Variants in RALGPS1 observed in about 807,000 individuals in gnomAD.
RALGPS1 encodes the protein Ral GEF with PH domain and SH3 binding motif 1.
In RALGPS1, 19 loss-of-function variants were observed where a neutral mutation model predicts 78.8. The ratio of observed to expected loss-of-function variants is 0.24; its 90% CI spans 0.17 to 0.35. The LOEUF is 0.35. RALGPS1 is among the 10% of genes least tolerant of loss of function. RALGPS1 has a pLI of 1.00. For synonymous variants in RALGPS1, 228 were observed against 256.3 expected, an observed-to-expected ratio of 0.89 and a Z score of 1.06; for missense variants, 454 against 688.3, an observed-to-expected ratio of 0.66 and a Z score of 3.81.
chr9:127,199,820 G>A (rs772080371), intron 14 of RALGPS1, among the ~76,000 whole-genome samples: 2 of 152,196 alleles, frequency 1.3e-5, no homozygotes, highest in African/African-American at 2.4e-5. Context: ...GGGTTTGAGA[G>A]GAGGCGGGAA....
At chr9:127,174,019 G>C (rs1270648084) in intron 10 of RALGPS1, among the ~76,000 whole-genome samples, 3 of 152,010 alleles carry the variant, frequency 2.0e-5, no homozygotes, top group Non-Finnish European at 2.9e-5. Context: ...TCTCAAAAAA[G>C]GGGAGGCCGA....
chr9:127,098,121 A>T (rs1564572891), intron 8 of RALGPS1, among the ~76,000 whole-genome samples: 1 of 152,238 alleles, frequency 6.6e-6, no homozygotes, highest in Non-Finnish European at 1.5e-5. Context: ...TACAAGACTA[A>T]ATGTAAGATA....
At chr9:127,033,843 A>T (rs982626543) in intron 4 of RALGPS1, among the ~76,000 whole-genome samples, 1 of 152,228 alleles carries the variant, frequency 6.6e-6, no homozygotes, top group Admixed American at 6.5e-5. Flanking sequence ...GGAAAAAAAG[A>T]GACAAGGCCT....
At chr9:126,925,509 C>T (rs2035184703) in intron 1 of RALGPS1, among the ~76,000 whole-genome samples, 1 of 151,586 alleles carries the variant, frequency 6.6e-6, no homozygotes, top group South Asian at 2.1e-4. Context: ...GATGGCACCA[C>T]TGCATTCAGG....
At chr9:126,955,523 C>T (rs1588630493) in intron 1 of RALGPS1, among the ~76,000 whole-genome samples, 1 of 152,106 alleles carries the variant, frequency 6.6e-6, no homozygotes, top group African/African-American at 2.4e-5. Context: ...AGTTATTAGA[C>T]TCCCCAATAG....
chr9:127,069,130 T>C, intron 7 of RALGPS1, 100 bp from the exon 8 acceptor site: 1 of 1,182,460 alleles, frequency 8.5e-7, no homozygotes, highest in Non-Finnish European at 1.2e-6. Context: ...ACACCATAGA[T>C]ATGTCACTTA....
In RALGPS1 at chr9:127,211,345, A is replaced by T. The variant is rs914020099; in HGVS notation, c.1248-786A>T. Among the ~76,000 whole-genome samples, 1 of 152,208 alleles carries T rather than the reference A, an allele frequency of 6.6e-6. No individual in the cohort carries two copies. Among genetic ancestry groups the T allele is most frequent in the African/African-American group, 2.4e-5 (1 of 41,456 alleles). ...GGAAGGCCCGTGGAGCGCACTGGGCAGTGGCTCGAAGGAAGGTCCAGTGGC... is the reference window on the plus strand; with the variant it reads ...GGAAGGCCCGTGGAGCGCACTGGGCTGTGGCTCGAAGGAAGGTCCAGTGGC... On this transcript the variant is annotated intron_variant, in intron 14 of 18. Coordinates refer to ENST00000259351, the MANE Select transcript of RALGPS1 (RefSeq NM_014636.3). This position sits in a 1 kb window ranked among gnomAD's most constrained non-coding sequence, Gnocchi z 5.0.
intron 1 of RALGPS1, among the ~76,000 whole-genome samples, chr9:126,925,759 G>A (rs1318263533): frequency 6.6e-6 from 1 of 152,174 alleles, no homozygotes; most frequent in Admixed American, 6.5e-5. Context: ...AAGGTGCTAA[G>A]AGACCATACA....
intron 8 of RALGPS1, among the ~76,000 whole-genome samples, chr9:127,090,033 G>A (rs2052277834): frequency 2.0e-5 from 3 of 152,232 alleles, no homozygotes; most frequent in Admixed American, 2.0e-4. Flanking sequence ...CTCAGTCTGA[G>A]GCAGAAAGCA....
chr9:126,935,104 C>T (rs1362474545), intron 1 of RALGPS1, among the ~76,000 whole-genome samples: 1 of 152,218 alleles, frequency 6.6e-6, no homozygotes, highest in African/African-American at 2.4e-5. Context: ...TTTCTGCTCT[C>T]CCCAGCTCGC....
At chr9:126,993,413 A>C (rs1374924810) in intron 4 of RALGPS1, among the ~76,000 whole-genome samples, 1 of 152,008 alleles carries the variant, frequency 6.6e-6, no homozygotes, top group African/African-American at 2.4e-5. Flanking sequence ...GTTGAGAAGT[A>C]TTCCTTCCTT....
intron 4 of RALGPS1, among the ~76,000 whole-genome samples, chr9:126,995,468 C>T (rs2042656788): frequency 6.6e-6 from 1 of 152,196 alleles, no homozygotes; most frequent in African/African-American, 2.4e-5. Flanking sequence ...ATCAATTCAA[C>T]AAGAAGAGCT....
chr9:127,160,701 A>G (rs2058971744), intron 8 of RALGPS1, among the ~76,000 whole-genome samples: 1 of 152,210 alleles, frequency 6.6e-6, no homozygotes, highest in Admixed American at 6.5e-5. Flanking sequence ...GTGCCAGCCA[A>G]TGACTTCCAG....
chr9:127,171,846 C>T (rs1232720256), intron 10 of RALGPS1, among the ~76,000 whole-genome samples: 1 of 152,176 alleles, frequency 6.6e-6, no homozygotes, highest in Non-Finnish European at 1.5e-5. Flanking sequence ...CCATTGTGAA[C>T]AGTGTCAGCC....
rs762189652 is a variant in RALGPS1, at chr9:127,091,765, C to T, written c.610+22409C>T. ...CGCATTGCCATGGTAGCGCCCCAGC[C>T]GCAGCTTATAATACTCGCTCTCAGG... On this transcript the variant is annotated intron_variant, in intron 8 of 18. Transcript: ENST00000259351. The surrounding 1 kb of genome is among the most constrained non-coding windows in gnomAD (Gnocchi z 4.3). 1.4e-5 allele frequency: 23 copies of T among 1,614,046 alleles called. No individual in the cohort carries two copies. The highest frequency in any genetic ancestry group is 4.4e-5 in the South Asian group (4 of 91,082).
chr9:127,216,780 T>G, intron 18 of RALGPS1: 1 of 866,086 alleles, frequency 1.2e-6, no homozygotes, highest in Non-Finnish European at 1.6e-6. Flanking sequence ...CAGCTTGCAT[T>G]AAGAGAGGAA....
At chr9:127,132,477 G>T (rs1233789017) in intron 8 of RALGPS1, among the ~76,000 whole-genome samples, 1 of 152,214 alleles carries the variant, frequency 6.6e-6, no homozygotes, top group Non-Finnish European at 1.5e-5. Context: ...TGACACGATG[G>T]TGTGATCAGT....
At chr9:126,934,680 C>T (rs1183867409) in intron 1 of RALGPS1, among the ~76,000 whole-genome samples, 1 of 152,158 alleles carries the variant, frequency 6.6e-6, no homozygotes, top group Non-Finnish European at 1.5e-5. Context: ...CTGTCTTTCT[C>T]TCTCTGCCTC....
At chr9:127,054,164 G>C (rs2048522449) in intron 7 of RALGPS1, among the ~76,000 whole-genome samples, 1 of 152,202 alleles carries the variant, frequency 6.6e-6, no homozygotes, top group South Asian at 2.1e-4. Flanking sequence ...TGGCTTTGGA[G>C]GTCGAAAGCA....
Sources: gnomAD v4.1 joint callset for allele counts (sites outside exome capture counted in the v4.1 genomes callset) on GRCh38, gnomAD v4.1.1 for gene constraint, Gnocchi (gnomAD v3.1) non-coding constraint, MANE v1.5 for transcripts, NCBI Gene and HGNC (gene_info 2026-07-23, HGNC 2026-07-21) for gene names.